FAT3: variants seen among roughly 807,000 people sequenced by gnomAD.
FAT3 encodes the protein FAT atypical cadherin 3.
FAT3 carries 95 observed loss-of-function variants against 310.2 expected under a neutral mutation model. The ratio of observed to expected loss-of-function variants is 0.31; its 90% CI spans 0.26 to 0.36. The LOEUF is 0.36. Ranked by LOEUF, FAT3 falls within the 10% of genes least tolerant of loss-of-function variation. FAT3 has a pLI of 1.00. For missense variants in FAT3, 5,408 were observed against 5,715.6 expected (o/e 0.95, Z 1.74); for synonymous variants, 2,314 against 2,192.9 (o/e 1.06, Z -1.54).
chr11:92,367,940 C>A (rs762107542), intron 2 of FAT3, among the ~76,000 whole-genome samples: 2 of 152,116 alleles, frequency 1.3e-5, no homozygotes, highest in South Asian at 2.1e-4. Context: ...CATACTATTG[C>A]GAATGCCTGC....
chr11:92,273,409 G>C (rs901985391), intron 1 of FAT3, among the ~76,000 whole-genome samples: 2 of 152,160 alleles, frequency 1.3e-5, no homozygotes, highest in Admixed American at 1.3e-4. Flanking sequence ...AGGGATTGTA[G>C]AGGACATAAT....
intron 3 of FAT3, among the ~76,000 whole-genome samples, chr11:92,673,487 G>T (rs1943194505): frequency 6.6e-6 from 1 of 152,306 alleles, no homozygotes; most frequent in East Asian, 1.9e-4. Flanking sequence ...TGATATGGCA[G>T]TATACGAGTG....
intron 3 of FAT3, among the ~76,000 whole-genome samples, chr11:92,604,347 T>G (rs1446110112): frequency 6.6e-6 from 1 of 152,222 alleles, no homozygotes; most frequent in Non-Finnish European, 1.5e-5. Flanking sequence ...ATAAACTTAA[T>G]TATATTTAAT....
chr11:92,422,996 A>G (rs1424247998), intron 2 of FAT3, among the ~76,000 whole-genome samples: 5 of 152,178 alleles, frequency 3.3e-5, no homozygotes, highest in African/African-American at 1.2e-4. Flanking sequence ...AGGAAACTTG[A>G]GATTCACTAA....
At position 92,396,604 on chromosome 11, in the gene FAT3, G is replaced by T. The variant is rs184828782; in HGVS notation, c.3292+41200G>T. On this transcript the variant is annotated intron_variant, in intron 2 of 27. Coordinates refer to ENST00000525166, the MANE Select transcript of FAT3 (RefSeq NM_001367949.2). ...CCGTGGAAGTGCAAGGCTGAGATGA[G>T]AAATCACAGCTCAGAAGTCAGCCAT... Among the ~76,000 whole-genome samples, 202 of 152,282 alleles carry T rather than the reference G, an allele frequency of 1.3e-3. 4 individuals carry two copies. Among genetic ancestry groups the T allele is most frequent in the South Asian group, 0.013 (62 of 4,818 alleles).
chr11:92,638,201 A>C (rs1289574643), intron 3 of FAT3, among the ~76,000 whole-genome samples: 2 of 152,224 alleles, frequency 1.3e-5, no homozygotes, highest in Non-Finnish European at 2.9e-5. Context: ...ATTAAATTTA[A>C]GCTACATTAA....
intron 8 of FAT3, among the ~76,000 whole-genome samples, chr11:92,791,838 G>A (rs1252449743): frequency 6.6e-6 from 1 of 152,202 alleles, no homozygotes; most frequent in Non-Finnish European, 1.5e-5. Context: ...TCTGCCATAT[G>A]CAAACTAAAG....
chr11:92,352,395 G>A lies in FAT3; in HGVS notation c.283G>A (p.Glu95Lys). 6.2e-7 allele frequency: 1 copy of A among 1,610,946 alleles called. No homozygotes were observed. Among genetic ancestry groups the A allele is most frequent in the Non-Finnish European group, 8.5e-7 (1 of 1,178,496 alleles). The change falls in exon 2 of 28, where the codon GAG (glutamate) becomes AAG (lysine). Residue 95 changes from glutamate (E) to lysine (K), a missense_variant. By Grantham distance (56) the Glu-to-Lys change is moderately conservative. This residue lies in a region of FAT3 where 152 missense variants were observed against 188.3 expected (regional missense o/e 0.81). Transcript: ENST00000525166. ...SGDEEGFFKA[E>K]EVIIADFCFL... ...AGACGAGGAAGGCTTTTTCAAAGCA[G>A]AGGAAGTCATCATTGCAGATTTCTG...
chr11:92,306,050 G>GT lies in FAT3; in HGVS notation c.-17-46038dup, dbSNP rs1033950907. Among the ~76,000 whole-genome samples the GT allele has an allele frequency of 9.2e-5, 14 of 151,750 alleles. No individual in the cohort carries two copies. The East Asian group carries it at 1.9e-3, about 21-fold the overall frequency. ...CTTTGAACAAATTTTTCAACTTTCA[G>GT]TTTTTTTTGTAAATTTGAAATTATT... On this transcript the variant is annotated intron_variant, in intron 1 of 27. Coordinates refer to ENST00000525166, the MANE Select transcript of FAT3 (RefSeq NM_001367949.2).
chr11:92,538,957 C>T (rs779268898), intron 3 of FAT3, among the ~76,000 whole-genome samples: 8 of 152,228 alleles, frequency 5.3e-5, no homozygotes, highest in African/African-American at 1.4e-4. Context: ...AAACGCTCAG[C>T]CTCTGCCAAT....
chr11:92,270,725 T>C (rs67723186), intron 1 of FAT3, among the ~76,000 whole-genome samples: 31,772 of 151,812 alleles, frequency 0.21, 4,231 homozygotes, highest in African/African-American at 0.38. Flanking sequence ...ATATTGGCTA[T>C]TCTTAAATCT....
At chr11:92,737,027 T>C (rs1039775935) in intron 4 of FAT3, among the ~76,000 whole-genome samples, 1 of 152,158 alleles carries the variant, frequency 6.6e-6, no homozygotes, top group African/African-American at 2.4e-5. Context: ...CTGTGATGGC[T>C]AATTTTTTTT....
Position 92,558,634 on chromosome 11 carries a change from C to T in FAT3, c.3607+33686C>T, listed in dbSNP as rs187647747. Reference sequence around the variant, plus strand: ...AATTTGTTTTGTTTTATTTCTGTCCCGAAAGGTAATTAATAATACAAGGAC... The same window carrying T: ...AATTTGTTTTGTTTTATTTCTGTCCTGAAAGGTAATTAATAATACAAGGAC... On this transcript the variant is annotated intron_variant, in intron 3 of 27. Coordinates refer to ENST00000525166, the MANE Select transcript of FAT3 (RefSeq NM_001367949.2). Among the ~76,000 whole-genome samples the T allele has an allele frequency of 6.5e-4, 99 of 152,116 alleles. 1 individual carries two copies. The highest frequency in any genetic ancestry group is 2.0e-3 in the African/African-American group (84 of 41,498).
At chr11:92,574,251 A>G (rs1484354887) in intron 3 of FAT3, among the ~76,000 whole-genome samples, 1 of 152,136 alleles carries the variant, frequency 6.6e-6, no homozygotes, top group Non-Finnish European at 1.5e-5. Context: ...CAGCTTCAGG[A>G]AATAAAAATC....
intron 1 of FAT3, among the ~76,000 whole-genome samples, chr11:92,277,703 GGA>G (rs144982879): frequency 6.6e-6 from 1 of 151,672 alleles, no homozygotes; most frequent in Non-Finnish European, 1.5e-5. Context: ...ATACTAGAGT[GGA>G]GAGAGAGAGA....
intron 4 of FAT3, among the ~76,000 whole-genome samples, chr11:92,715,439 A>T (rs1565535323): frequency 6.6e-6 from 1 of 151,764 alleles, no homozygotes; most frequent in Non-Finnish European, 1.5e-5. Flanking sequence ...AAAATAAAAA[A>T]TTAATTAATT....
intron 2 of FAT3, among the ~76,000 whole-genome samples, chr11:92,466,744 C>G (rs1951772304): frequency 8.7e-6 from 1 of 114,614 alleles, no homozygotes; most frequent in Non-Finnish European, 1.7e-5. Flanking sequence ...CCCCCCACCC[C>G]ACAACAGTCC....
At chr11:92,534,031 T>G (rs1007988172) in intron 3 of FAT3, among the ~76,000 whole-genome samples, 1 of 152,226 alleles carries the variant, frequency 6.6e-6, no homozygotes, top group East Asian at 1.9e-4. Flanking sequence ...ACTACATTGC[T>G]TTATTACTTT....
chr11:92,610,458 C>T (rs1940509424), intron 3 of FAT3, among the ~76,000 whole-genome samples: 1 of 152,162 alleles, frequency 6.6e-6, no homozygotes, highest in African/African-American at 2.4e-5. Flanking sequence ...TCCTTAAAAA[C>T]TGTCTTTAAG....
Sources: gnomAD v4.1 joint callset for allele counts (sites outside exome capture counted in the v4.1 genomes callset) on GRCh38, gnomAD v4.1.1 for gene constraint, gnomAD v4.1.1 regional missense constraint, MANE v1.5 for transcripts, NCBI Gene and HGNC (gene_info 2026-07-23, HGNC 2026-07-21) for gene names.